The following SYNE1 variants were observed in gnomAD, a reference collection of about 807,000 sequenced individuals.
SYNE1 encodes the protein spectrin repeat containing nuclear envelope protein 1.
SYNE1 carries 616 observed loss-of-function variants against 1,111.0 expected under a neutral mutation model. The ratio of observed to expected loss-of-function variants is 0.55; its 90% CI spans 0.52 to 0.59. The LOEUF (loss-of-function observed/expected upper bound fraction) is 0.59. Ranked by LOEUF, SYNE1 falls within the 20% of genes least tolerant of loss-of-function variation. The pLI, the probability that SYNE1 is intolerant of heterozygous loss-of-function variation, is 0.00. For synonymous variants in SYNE1, 3,855 were observed against 3,825.8 expected, an observed-to-expected ratio of 1.01 and a Z score of -0.28; for missense variants, 10,006 against 10,417.0, an observed-to-expected ratio of 0.96 and a Z score of 1.72.
intron 54 of SYNE1, among the ~76,000 whole-genome samples, chr6:152,386,584 T>C (rs1402254163): frequency 2.0e-5 from 3 of 152,158 alleles, no homozygotes; most frequent in Non-Finnish European, 2.9e-5. Context: ...AAGATTCATA[T>C]AGAGAATTGG....
chr6:152,572,672 C>T (rs1595605476), intron 3 of SYNE1, among the ~76,000 whole-genome samples: 2 of 152,264 alleles, frequency 1.3e-5, no homozygotes, highest in Admixed American at 1.3e-4. Context: ...AAAGTCTTTC[C>T]TGAAGGGCAA....
rs2813507 is a variant in SYNE1 at position 152,176,680 on chromosome 6, A to G, written c.23461-120T>C. 98,609 of 1,000,856 alleles carry G rather than the reference A, an allele frequency of 0.099. 8,276 individuals are homozygous for G. The highest frequency in any genetic ancestry group is 0.3 in the East Asian group (12,376 of 41,250). The allele number at this position is 1,000,856 out of a possible 1,614,324, so 62.0% of individuals were successfully genotyped here. On this transcript the variant is annotated intron_variant, in intron 129 of 145. Transcript: ENST00000367255. ...TGCTTGGAAGTAGTTTGAGCATAGG[A>G]ATACCATGTGGATATCAGCCCATGT...
At chr6:152,570,099 C>T (rs1292025776) in intron 3 of SYNE1, among the ~76,000 whole-genome samples, 1 of 152,172 alleles carries the variant, frequency 6.6e-6, no homozygotes, top group Non-Finnish European at 1.5e-5. Context: ...TGTGACAACT[C>T]TGCTGAATTC....
intron 3 of SYNE1, among the ~76,000 whole-genome samples, chr6:152,594,174 G>GT (rs565202573): frequency 3.1e-4 from 47 of 152,316 alleles, no homozygotes; most frequent in African/African-American, 1.1e-3. Flanking sequence ...GCCATTCTGT[G>GT]TGGGACAGGG....
At chr6:152,161,000 C>T (rs2062375911) in intron 131 of SYNE1, among the ~76,000 whole-genome samples, 1 of 151,124 alleles carries the variant, frequency 6.6e-6, no homozygotes, top group Non-Finnish European at 1.5e-5. Context: ...TGTAATCTTC[C>T]ACAAAGTAAA....
At position 152,453,657 on chromosome 6, in the gene SYNE1, T is replaced by G; in HGVS notation, c.2956A>C (p.Thr986Pro). ...NAFLKACDELTDILPEQEQQG... is the reference protein window; with the variant it reads ...NAFLKACDELPDILPEQEQQG... The stretch of plus-strand genomic sequence containing the variant: ...TGCTCCTGCTCTGGAAGGATGTCGG[T>G]GAGTTCATCACAAGCTTTCAGGAAA... The change falls in exon 25 of 146, where the codon ACC becomes CCC. Residue 986 changes from threonine (T) to proline (P), a missense_variant. Thr to Pro is a conservative substitution (Grantham distance 38). Coordinates refer to ENST00000367255, the MANE Select transcript of SYNE1 (RefSeq NM_182961.4). 6.2e-7 allele frequency: 1 copy of G among 1,614,186 alleles called. No individual in the cohort carries two copies. Among genetic ancestry groups the G allele is most frequent in the Non-Finnish European group, 8.5e-7 (1 of 1,180,044 alleles).
chr6:152,219,150 G>C lies in SYNE1; in HGVS notation c.21897C>G (p.Ser7299=). Reference sequence around the variant, plus strand: ...CTCCCAGCTCATGGAGAAAAAAGAGGGAATCTTTAACTGTGCCCAGTCCTT... The same window carrying C: ...CTCCCAGCTCATGGAGAAAAAAGAGCGAATCTTTAACTGTGCCCAGTCCTT... ...LLKGLGTVKD[S]LFFLHELGEQ... is the part of the protein sequence containing the mutation. The change falls in exon 120 of 146, where the codon TCC becomes TCG. Residue 7299 remains serine, a synonymous_variant. Transcript: ENST00000367255. 6.2e-7 allele frequency: 1 copy of C among 1,613,986 alleles called. No homozygotes were observed. The highest frequency in any genetic ancestry group is 8.5e-7 in the Non-Finnish European group (1 of 1,179,966).
chr6:152,151,899 A>T (rs1349458742), intron 134 of SYNE1, 60 bp downstream of exon 134: 1 of 1,591,486 alleles, frequency 6.3e-7, no homozygotes, highest in Non-Finnish European at 8.6e-7. Context: ...TCAAGACTGC[A>T]TTCAAATGGC....
chr6:152,458,972 A>G (rs752142773), intron 21 of SYNE1, 42 bp from the exon 22 acceptor site: 2 of 1,578,580 alleles, frequency 1.3e-6, no homozygotes. Flanking sequence ...AAGACCATTA[A>G]GTGCCACTAG....
At chr6:152,460,799 CTTTTTTTTTTTTTT>C (rs869295894) in intron 21 of SYNE1, among the ~76,000 whole-genome samples, 4 of 67,604 alleles carry the variant, frequency 5.9e-5, no homozygotes, top group South Asian at 5.8e-4. Context: ...TGTATATAAT[CTTTTTTTTTTTTTT>C]TTTTTTTTTT....
chr6:152,192,311 T>C (rs2072686639), intron 127 of SYNE1, among the ~76,000 whole-genome samples: 1 of 67,852 alleles, frequency 1.5e-5, no homozygotes, highest in Admixed American at 1.2e-4. Flanking sequence ...TTATTTTCTG[T>C]CTGGATGATC....
rs900024167 is a variant in SYNE1 at position 152,236,797 on chromosome 6, T to C, written c.20199+20A>G. 7.4e-6 allele frequency: 12 copies of C among 1,614,052 alleles called. No homozygotes were observed. The highest frequency in any genetic ancestry group is 1.0e-5 in the Non-Finnish European group (12 of 1,179,988). The stretch of plus-strand genomic sequence containing the variant: ...TATTGGTAAGTTTCTAAAGGCAATG[T>C]GGCGGCTTGTAACACCAACCTGGTA... On this transcript the variant is annotated intron_variant, in intron 109 of 145. Coordinates refer to ENST00000367255, the MANE Select transcript of SYNE1 (RefSeq NM_182961.4).
intron 2 of SYNE1, among the ~76,000 whole-genome samples, chr6:152,632,030 A>G (rs1305510966): frequency 6.6e-6 from 1 of 152,110 alleles, no homozygotes; most frequent in Non-Finnish European, 1.5e-5. Flanking sequence ...AACACTCACC[A>G]TTATTTTCCA....
At chr6:152,507,791 T>C (rs1006298837) in intron 8 of SYNE1, among the ~76,000 whole-genome samples, 5 of 152,256 alleles carry the variant, frequency 3.3e-5, no homozygotes, top group African/African-American at 1.2e-4. Context: ...ATGTAAGATA[T>C]GCTATAACTT....
intron 144 of SYNE1, among the ~76,000 whole-genome samples, chr6:152,131,632 C>T (rs6941586): frequency 0.064 from 9,785 of 152,190 alleles, 404 homozygotes; most frequent in East Asian, 0.24. Flanking sequence ...GGTGGCACAA[C>T]TGCCGCAAAC....
intron 134 of SYNE1, 39 bp downstream of exon 134, chr6:152,151,920 C>A (rs371611692): frequency 6.2e-7 from 1 of 1,609,934 alleles, no homozygotes; most frequent in South Asian, 1.1e-5. Flanking sequence ...CCAGTCCCAT[C>A]CTCTGGCCTC....
At chr6:152,170,869 G>A (rs2065027686) in intron 130 of SYNE1, among the ~76,000 whole-genome samples, 1 of 152,150 alleles carries the variant, frequency 6.6e-6, no homozygotes, top group South Asian at 2.1e-4. Context: ...TATGCGTTGT[G>A]GAAGGGACCC....
chr6:152,192,314 G>GACCT (rs61553328), intron 127 of SYNE1, among the ~76,000 whole-genome samples: 7,085 of 151,764 alleles, frequency 0.047, 306 homozygotes, highest in African/African-American at 0.12. Context: ...TTTTCTGTCT[G>GACCT]GATGATCTCT....
At chr6:152,256,088 G>A (rs2090744751) in intron 102 of SYNE1, among the ~76,000 whole-genome samples, 1 of 151,756 alleles carries the variant, frequency 6.6e-6, no homozygotes, top group South Asian at 2.1e-4. Context: ...GACAGTGCAA[G>A]ACTCTGAAAA....
Sources: gnomAD v4.1 joint callset for allele counts (sites outside exome capture counted in the v4.1 genomes callset) on GRCh38, gnomAD v4.1.1 for gene constraint, MANE v1.5 for transcripts, NCBI Gene and HGNC (gene_info 2026-07-23, HGNC 2026-07-21) for gene names.